CENPQ: variants seen among roughly 807,000 people sequenced by gnomAD.
CENPQ encodes centromere protein Q.
Under a neutral mutation model 36.6 loss-of-function variants are expected in CENPQ, and 27 were observed. The observed-to-expected ratio is 0.74, with a 90% CI of 0.54 to 1.02. The LOEUF (loss-of-function observed/expected upper bound fraction) is 1.02, where lower values mean the gene tolerates loss of function less well. Ranked by LOEUF, CENPQ falls within the 50% of genes least tolerant of loss-of-function variation. CENPQ has a pLI of 0.00. For missense variants in CENPQ, 306 were observed against 301.8 expected (o/e 1.01, Z -0.10); for synonymous variants, 101 against 101.7 (o/e 0.99, Z 0.04).
At chr6:49,486,779 T>TA (rs1364700318) in intron 6 of CENPQ, among the ~76,000 whole-genome samples, 1 of 152,096 alleles carries the variant, frequency 6.6e-6, no homozygotes, top group African/African-American at 2.4e-5. Context: ...TATTTATAGA[T>TA]AAAATGATAG....
At chr6:49,483,863 C>T (rs753764633) in intron 6 of CENPQ, among the ~76,000 whole-genome samples, 13 of 152,250 alleles carry the variant, frequency 8.5e-5, no homozygotes, top group Non-Finnish European at 1.9e-4. Context: ...AAGGGGCTCC[C>T]ACAGTGCAGC....
chr6:49,479,827 G>A (rs1013891127), intron 5 of CENPQ, among the ~76,000 whole-genome samples: 4 of 152,140 alleles, frequency 2.6e-5, no homozygotes, highest in Admixed American at 6.5e-5. Flanking sequence ...GCAGCAACAC[G>A]GTTGGAGCTA....
At position 49,488,627 on chromosome 6, in the gene CENPQ, T is replaced by C. The variant is rs1184071292; in HGVS notation, c.618T>C (p.Ser206=). The change falls in exon 8 of 9, where the codon AGT becomes AGC. Residue 206 remains serine, a synonymous_variant. Coordinates refer to ENST00000335783, the MANE Select transcript of CENPQ (RefSeq NM_018132.4). ...RVKQMHQINS[S]GVLSLPELSQ... ...TTTAGATGCATCAAATAAATAGTAG[T>C]GGAGTACTCTCTCTTCCGGAACTTT... The C allele has an allele frequency of 6.2e-7, 1 of 1,613,432 alleles. No homozygotes were observed. Among genetic ancestry groups the C allele is most frequent in the Non-Finnish European group, 8.5e-7 (1 of 1,179,544 alleles).
intron 1 of CENPQ, among the ~76,000 whole-genome samples, chr6:49,468,828 G>A (rs979901077): frequency 1.6e-4 from 24 of 152,130 alleles, no homozygotes; most frequent in Admixed American, 1.4e-3. Context: ...CCCTTCACCT[G>A]GATGCTCTTA....
intron 1 of CENPQ, among the ~76,000 whole-genome samples, chr6:49,465,907 T>G (rs544237995): frequency 6.6e-6 from 1 of 152,230 alleles, no homozygotes; most frequent in African/African-American, 2.4e-5. Context: ...CAAGAACTTT[T>G]CCTTTGCATT....
At chr6:49,480,853 C>A (rs1251526686) in intron 5 of CENPQ, 98 bp from the exon 6 acceptor site, 2 of 742,494 alleles carry the variant, frequency 2.7e-6, no homozygotes, top group Non-Finnish European at 2.0e-6. Flanking sequence ...GAATATTGTA[C>A]CCTTAAGAAT....
In CENPQ at chr6:49,472,776, T is replaced by C. The variant is rs1412996560; in HGVS notation, c.279-14T>C. The stretch of plus-strand genomic sequence containing the variant: ...ATCAGACTACTATTTATTCCATCTT[T>C]TTTTCTTTTCTAGGACAATTTTGAG... On this transcript the variant is annotated splice_polypyrimidine_tract_variant and intron_variant, in intron 4 of 8. Coordinates refer to ENST00000335783, the MANE Select transcript of CENPQ (RefSeq NM_018132.4). The C allele has an allele frequency of 7.0e-7, 1 of 1,423,722 alleles. No homozygotes were observed. Among genetic ancestry groups the C allele is most frequent in the African/African-American group, 1.5e-5 (1 of 68,434 alleles). The allele number at this position is 1,423,722 out of a possible 1,614,324, so 88.2% of individuals were successfully genotyped here.
At chr6:49,479,479 G>T (rs1032024304) in intron 5 of CENPQ, among the ~76,000 whole-genome samples, 3 of 152,010 alleles carry the variant, frequency 2.0e-5, no homozygotes, top group Admixed American at 2.0e-4. Context: ...AAGTCAAAAA[G>T]TAACAGATGC....
At chr6:49,469,991 T>C (rs1436538956) in intron 1 of CENPQ, among the ~76,000 whole-genome samples, 168 bp from the exon 2 acceptor site, 1 of 151,730 alleles carries the variant, frequency 6.6e-6, no homozygotes, top group Non-Finnish European at 1.5e-5. Flanking sequence ...AATGCTTGTT[T>C]AAAAGCATAC....
Position 49,491,142 on chromosome 6 carries a change from C to T in CENPQ, c.676-1002C>T, listed in dbSNP as rs542496081. The stretch of plus-strand genomic sequence containing the variant: ...ATGAGGCATCCTGGTATATCATAGA[C>T]CAATTATACATTACATATATGAAAA... On this transcript the variant is annotated intron_variant, in intron 8 of 8. Transcript: ENST00000335783. Among the ~76,000 whole-genome samples the T allele has an allele frequency of 2.6e-5, 4 of 152,270 alleles. No homozygotes were observed. The South Asian group carries it at 6.2e-4, about 24-fold the overall frequency.
intron 1 of CENPQ, among the ~76,000 whole-genome samples, chr6:49,468,430 T>C (rs1343914408): frequency 6.6e-6 from 1 of 151,818 alleles, no homozygotes; most frequent in African/African-American, 2.4e-5. Context: ...CCGTCTCTAC[T>C]AAAAATACAG....
intron 3 of CENPQ, among the ~76,000 whole-genome samples, chr6:49,471,297 A>G (rs554599271): frequency 6.6e-6 from 1 of 152,346 alleles, no homozygotes; most frequent in Non-Finnish European, 1.5e-5. Context: ...AGCCTGAATT[A>G]TTAGTGATCT....
chr6:49,489,764 C>T (rs2127428527), intron 8 of CENPQ, among the ~76,000 whole-genome samples: 1 of 152,262 alleles, frequency 6.6e-6, no homozygotes, highest in South Asian at 2.1e-4. Flanking sequence ...ACATTAATCT[C>T]CTTGTATATC....
intron 6 of CENPQ, among the ~76,000 whole-genome samples, chr6:49,487,079 G>A (rs993284539): frequency 1.5e-4 from 1 of 6,454 alleles, no homozygotes; most frequent in African/African-American, 4.4e-4. Flanking sequence ...CTTGAACCTG[G>A]GAGGCAGAGG....
At chr6:49,473,851 A>C (rs1437758339) in intron 5 of CENPQ, among the ~76,000 whole-genome samples, 1 of 152,176 alleles carries the variant, frequency 6.6e-6, no homozygotes, top group Non-Finnish European at 1.5e-5. Context: ...AAAACAAAAA[A>C]AGGCAGGGGT....
intron 6 of CENPQ, among the ~76,000 whole-genome samples, chr6:49,483,198 A>T (rs2086421): frequency 0.64 from 97,425 of 151,862 alleles, 31,446 homozygotes; most frequent in Middle Eastern, 0.78. Context: ...GGAGTGTAGA[A>T]TGGTGCATTC....
At chr6:49,489,076 GA>G (rs1239343037) in intron 8 of CENPQ, among the ~76,000 whole-genome samples, 8 of 152,252 alleles carry the variant, frequency 5.3e-5, no homozygotes, top group African/African-American at 1.7e-4. Flanking sequence ...AGAAGACAAT[GA>G]AATTTGCCAC....
At chr6:49,474,215 T>G (rs1018511332) in intron 5 of CENPQ, among the ~76,000 whole-genome samples, 3 of 152,182 alleles carry the variant, frequency 2.0e-5, no homozygotes, top group Non-Finnish European at 2.9e-5. Flanking sequence ...AGAATATATA[T>G]TCTTCTAAGC....
At chr6:49,474,817 A>T (rs1250553254) in intron 5 of CENPQ, among the ~76,000 whole-genome samples, 1 of 152,230 alleles carries the variant, frequency 6.6e-6, no homozygotes, top group African/African-American at 2.4e-5. Context: ...AAAAACTGAT[A>T]AAAGGGATAT....
Sources: gnomAD v4.1 joint callset for allele counts (sites outside exome capture counted in the v4.1 genomes callset) on GRCh38, gnomAD v4.1.1 for gene constraint, MANE v1.5 for transcripts, NCBI Gene and HGNC (gene_info 2026-07-23, HGNC 2026-07-21) for gene names.